PRKAG2: variants seen among roughly 807,000 people sequenced by gnomAD.
PRKAG2 encodes protein kinase AMP-activated non-catalytic subunit gamma 2, also known as 5'-AMP-activated protein kinase subunit gamma-2.
Under a neutral mutation model 69.6 loss-of-function variants are expected in PRKAG2, and 26 were observed. The ratio of observed to expected loss-of-function variants is 0.37; its 90% confidence interval spans 0.27 to 0.52. PRKAG2 has a LOEUF of 0.52. PRKAG2 is among the 20% of genes least tolerant of loss of function. PRKAG2 has a pLI of 0.90. For missense variants in PRKAG2, 557 were observed against 740.0 expected, an observed-to-expected ratio of 0.75 and a Z score of 2.87; for synonymous variants, 293 against 285.0, an observed-to-expected ratio of 1.03 and a Z score of -0.28.
intron 5 of PRKAG2, among the ~76,000 whole-genome samples, chr7:151,611,833 T>C (rs1558537): frequency 0.27 from 41,720 of 152,030 alleles, 5,825 homozygotes; most frequent in African/African-American, 0.31. Context: ...GCGGGCAGAT[T>C]ACTTGAGGTC....
At chr7:151,680,372 C>A (rs185261777) in intron 3 of PRKAG2, among the ~76,000 whole-genome samples, 6 of 152,268 alleles carry the variant, frequency 3.9e-5, no homozygotes, top group East Asian at 1.9e-4. Context: ...CCATTCCTGT[C>A]GGAACATGAC....
At chr7:151,716,042 T>C (rs1201041052) in intron 3 of PRKAG2, among the ~76,000 whole-genome samples, 6 of 152,294 alleles carry the variant, frequency 3.9e-5, no homozygotes, top group South Asian at 2.1e-4. Flanking sequence ...TGGAGCTCGA[T>C]TGCCCTTGAG....
Position 151,558,770 on chromosome 7 carries a change from A to G in PRKAG2, c.1679-1538T>C, listed in dbSNP as rs1482160482. The stretch of plus-strand genomic sequence containing the variant: ...TACATTCCAAATTCCAGCTGGAAAT[A>G]GATTCCTCTCTGCACCAGCAGTGAT... On this transcript the variant is annotated intron_variant, in intron 15 of 15. Coordinates refer to ENST00000287878, the MANE Select transcript of PRKAG2 (RefSeq NM_016203.4). 3.0e-6 allele frequency: 3 copies of G among 985,350 alleles called. No homozygotes were observed. The East Asian group carries it at 3.4e-4, about 112-fold the overall frequency. The allele number at this position is 985,350 out of a possible 1,614,324, so 61.0% of individuals were successfully genotyped here.
At chr7:151,703,674 C>T (rs1302455214) in intron 3 of PRKAG2, among the ~76,000 whole-genome samples, 1 of 151,980 alleles carries the variant, frequency 6.6e-6, no homozygotes, top group Non-Finnish European at 1.5e-5. Flanking sequence ...CACCACCTGC[C>T]TCCTCAGATA....
chr7:151,826,270 T>G (rs1370401454), intron 1 of PRKAG2, among the ~76,000 whole-genome samples: 1 of 151,972 alleles, frequency 6.6e-6, no homozygotes, highest in African/African-American at 2.4e-5. Context: ...AACTTCCACC[T>G]CCTAGGTTCA....
chr7:151,820,042 A>G (rs941244455), intron 1 of PRKAG2, among the ~76,000 whole-genome samples: 19 of 152,214 alleles, frequency 1.2e-4, no homozygotes, highest in Non-Finnish European at 1.2e-4. Context: ...CCAGCACCTG[A>G]TAAGGAAGAG....
rs1257382171 is a variant in PRKAG2, at chr7:151,583,548, T to C, written c.865-7096A>G. On this transcript the variant is annotated intron_variant, in intron 6 of 15. Coordinates refer to ENST00000287878, the MANE Select transcript of PRKAG2 (RefSeq NM_016203.4). This position sits in a 1 kb window ranked among gnomAD's most constrained non-coding sequence, Gnocchi z 4.1. ...TCTTAAGAACACGTGCATGGAGCTG[T>C]TTATAAAGCAATTTAAAATCATACT... Among the ~76,000 whole-genome samples the C allele has an allele frequency of 6.6e-6, 1 of 152,180 alleles. No homozygotes were observed. Among genetic ancestry groups the C allele is most frequent in the Non-Finnish European group, 1.5e-5 (1 of 68,040 alleles).
intron 15 of PRKAG2, chr7:151,560,069 T>C (rs1804563898): frequency 2.0e-6 from 2 of 984,890 alleles, no homozygotes; most frequent in East Asian, 1.1e-4. Flanking sequence ...TTCTGTACAA[T>C]ATTAATGAAT....
At chr7:151,795,883 ATATAT>A (rs1563689752) in intron 1 of PRKAG2, among the ~76,000 whole-genome samples, 3 of 115,596 alleles carry the variant, frequency 2.6e-5, no homozygotes, top group African/African-American at 1.0e-4. Context: ...ATATATATAT[ATATAT>A]ATCACGATAA....
At chr7:151,596,791 T>C (rs1228208182) in intron 5 of PRKAG2, among the ~76,000 whole-genome samples, 1 of 151,864 alleles carries the variant, frequency 6.6e-6, no homozygotes, top group East Asian at 1.9e-4. Flanking sequence ...TTGAAGAAGA[T>C]ACAAATAAAA....
At position 151,802,717 on chromosome 7, in the gene PRKAG2, G is replaced by A. The variant is rs138575401; in HGVS notation, c.115-16176C>T. On this transcript the variant is annotated intron_variant, in intron 1 of 15. Transcript: ENST00000287878. ...AGTGGTTGCTTCCTGCCTGCAGAAGGTGTCGGACTCTGCCTGGCATTCAGT... is the reference window on the plus strand; with the variant it reads ...AGTGGTTGCTTCCTGCCTGCAGAAGATGTCGGACTCTGCCTGGCATTCAGT... Among the ~76,000 whole-genome samples, 559 of 152,222 alleles carry A rather than the reference G, an allele frequency of 3.7e-3. 3 individuals are homozygous for A. Among genetic ancestry groups the A allele is most frequent in the Middle Eastern group, 0.017 (5 of 294 alleles).
At chr7:151,598,970 GC>G (rs1815322276) in intron 5 of PRKAG2, among the ~76,000 whole-genome samples, 1 of 151,954 alleles carries the variant, frequency 6.6e-6, no homozygotes, top group Non-Finnish European at 1.5e-5. Flanking sequence ...TCCTGCCTCA[GC>G]CTCCCGAGTA....
rs554593303 is a variant in PRKAG2 at position 151,800,079 on chromosome 7, C to G, written c.115-13538G>C. 1.4e-3 allele frequency among the ~76,000 whole-genome samples: 213 copies of G among 151,142 alleles called. 1 individual carries two copies. The highest frequency in any genetic ancestry group is 4.7e-3 in the African/African-American group (193 of 41,246). Reference sequence around the variant, plus strand: ...GTCATTTGAAAGTCGCCTCACGGGCCGGGTGCGGTGGCTCATGCCTGTAAT... The same window carrying G: ...GTCATTTGAAAGTCGCCTCACGGGCGGGGTGCGGTGGCTCATGCCTGTAAT... On this transcript the variant is annotated intron_variant, in intron 1 of 15. Coordinates refer to ENST00000287878, the MANE Select transcript of PRKAG2 (RefSeq NM_016203.4).
At chr7:151,599,968 C>A (rs1563223814) in intron 5 of PRKAG2, among the ~76,000 whole-genome samples, 2 of 152,192 alleles carry the variant, frequency 1.3e-5, no homozygotes, top group African/African-American at 2.4e-5. Flanking sequence ...TTCCATGGGG[C>A]CTGACACTAC....
At chr7:151,794,975 G>C (rs1206418670) in intron 1 of PRKAG2, among the ~76,000 whole-genome samples, 2 of 152,214 alleles carry the variant, frequency 1.3e-5, no homozygotes, top group African/African-American at 4.8e-5. Flanking sequence ...CTTCTGACCA[G>C]CTGGGGGTGG....
chr7:151,832,225 AGG>A (rs1563737666), intron 1 of PRKAG2, among the ~76,000 whole-genome samples: 6 of 84,432 alleles, frequency 7.1e-5, no homozygotes, highest in African/African-American at 1.9e-4. Context: ...GGAGGGGAGG[AGG>A]GAAGGAGAGG....
At chr7:151,782,297 A>AAGG (rs2076717766) in intron 2 of PRKAG2, among the ~76,000 whole-genome samples, 4 of 39,818 alleles carry the variant, frequency 1.0e-4, no homozygotes, top group South Asian at 1.4e-3. Context: ...GAAAGGAAAG[A>AAGG]AAGGAAGGAA....
chr7:151,869,576 A>G (rs137968353), intron 1 of PRKAG2, among the ~76,000 whole-genome samples: 19 of 152,354 alleles, frequency 1.2e-4, no homozygotes, highest in Admixed American at 1.1e-3. Flanking sequence ...CAGGCTCCGC[A>G]CTATTCCCCC....
At chr7:151,559,899 T>C in intron 15 of PRKAG2, 1 of 985,316 alleles carries the variant, frequency 1.0e-6, no homozygotes, top group Non-Finnish European at 1.2e-6. Flanking sequence ...AGCCCACCTC[T>C]TACTACTGAG....
Sources: allele counts gnomAD v4.1 joint callset (sites outside exome capture counted in the v4.1 genomes callset), GRCh38; gene constraint gnomAD v4.1.1; non-coding constraint Gnocchi (gnomAD v3.1); transcripts MANE v1.5; gene names NCBI Gene and HGNC (gene_info 2026-07-23, HGNC 2026-07-21).